Variants in ANKS6 observed in about 807,000 individuals in gnomAD.
ANKS6 encodes ankyrin repeat and sterile alpha motif domain containing 6.
A neutral mutation model predicts 77.9 loss-of-function variants in ANKS6; 47 were observed. That is an observed-to-expected ratio of 0.60 (90% CI 0.48 to 0.77). The LOEUF (loss-of-function observed/expected upper bound fraction) is 0.77, where lower values mean the gene tolerates loss of function less well. ANKS6 is among the 30% of genes least tolerant of loss of function. The pLI is 0.00. For missense variants in ANKS6, 1,150 were observed against 1,159.1 expected, an observed-to-expected ratio of 0.99 and a Z score of 0.11; for synonymous variants, 488 against 501.7, an observed-to-expected ratio of 0.97 and a Z score of 0.37.
chr9:98,790,177 C>A lies in ANKS6; in HGVS notation c.789G>T (p.Glu263Asp). The change falls in exon 2 of 15, where the codon GAG becomes GAT. Residue 263 changes from glutamate (E) to aspartate (D), a missense_variant. By Grantham distance (45) the Glu-to-Asp change is conservative. Coordinates refer to ENST00000353234, the MANE Select transcript of ANKS6 (RefSeq NM_173551.5). ...HLSVLEKTAFEVALDCKHRDL... is the reference protein window; with the variant it reads ...HLSVLEKTAFDVALDCKHRDL... Reference sequence around the variant, plus strand: ...CCCTGTGCTTGCAGTCCAGTGCAACCTCGAAGGCGGTCTTCTCCAGCACGC... The same window carrying A: ...CCCTGTGCTTGCAGTCCAGTGCAACATCGAAGGCGGTCTTCTCCAGCACGC... The A allele has an allele frequency of 6.2e-7, 1 of 1,601,540 alleles. No individual in the cohort carries two copies. Among genetic ancestry groups the A allele is most frequent in the Non-Finnish European group, 8.5e-7 (1 of 1,169,972 alleles).
chr9:98,773,278 C>G (rs1177242953), intron 9 of ANKS6, among the ~76,000 whole-genome samples: 1 of 152,148 alleles, frequency 6.6e-6, no homozygotes, highest in Non-Finnish European at 1.5e-5. Flanking sequence ...CTCCAATCAC[C>G]CAGCACATGG....
intron 14 of ANKS6, among the ~76,000 whole-genome samples, chr9:98,738,656 A>T (rs1003941500): frequency 6.6e-6 from 1 of 152,220 alleles, no homozygotes; most frequent in Non-Finnish European, 1.5e-5. Context: ...GGGAATATAA[A>T]CTAGTACCAC....
chr9:98,796,301 GC>G lies in ANKS6; in HGVS notation c.190del (p.Ala64GlnfsTer61), dbSNP rs1009311413. The G allele has an allele frequency of 3.2e-6, 4 of 1,260,960 alleles. No individual in the cohort carries two copies. The highest frequency in any genetic ancestry group is 3.0e-4 in the Middle Eastern group (1 of 3,312). 78.1% of individuals were successfully genotyped at this position (1,260,960 alleles called of 1,614,324 possible). ...ATCCACGGGCACCGGAGCCCCGACTGCCCCCGCCGCTGCGGCCCCGGGCCCG... is the reference window on the plus strand; with the variant it reads ...ATCCACGGGCACCGGAGCCCCGACTGCCCCGCCGCTGCGGCCCCGGGCCCG... ...VAGPGAAAAG[A>X]VGAPVPVDCS... On this transcript the variant is annotated frameshift_variant, in exon 1 of 15. Transcript: ENST00000353234. LOFTEE classifies it high-confidence loss of function.
chr9:98,740,673 G>A (rs1158458356), intron 14 of ANKS6, among the ~76,000 whole-genome samples: 1 of 152,238 alleles, frequency 6.6e-6, no homozygotes, highest in African/African-American at 2.4e-5. Context: ...TTAGGAGGGA[G>A]CTGTAGATGA....
chr9:98,782,882 A>G (rs1228079050), intron 4 of ANKS6, among the ~76,000 whole-genome samples: 1 of 152,140 alleles, frequency 6.6e-6, no homozygotes, highest in African/African-American at 2.4e-5. Flanking sequence ...CAGGAATTTG[A>G]GACCAGCCTG....
intron 1 of ANKS6, 158 bp downstream of exon 1, chr9:98,795,975 A>C: frequency 1.3e-6 from 1 of 747,644 alleles, no homozygotes; most frequent in Non-Finnish European, 1.8e-6. Flanking sequence ...TTCCACGTCT[A>C]TGCTCAAAGT....
chr9:98,784,816 T>G lies in ANKS6; in HGVS notation c.907+16A>C. 2 of 1,610,218 alleles carry G rather than the reference T, an allele frequency of 1.2e-6. No individual in the cohort carries two copies. The highest frequency in any genetic ancestry group is 1.7e-6 in the Non-Finnish European group (2 of 1,177,910). ...TATATTCTTAAATATCCAAAAAGAT[T>G]TTCTAAAGCGCTTACCCATTTTCAA... On this transcript the variant is annotated intron_variant, in intron 3 of 14. Coordinates refer to ENST00000353234, the MANE Select transcript of ANKS6 (RefSeq NM_173551.5).
chr9:98,786,694 T>C (rs943588557), intron 2 of ANKS6, among the ~76,000 whole-genome samples: 1 of 151,954 alleles, frequency 6.6e-6, no homozygotes, highest in African/African-American at 2.4e-5. Context: ...ACCTGACTTT[T>C]AAAAAAAATA....
intron 1 of ANKS6, among the ~76,000 whole-genome samples, chr9:98,792,257 T>C (rs1191418951): frequency 6.6e-6 from 1 of 152,076 alleles, no homozygotes; most frequent in Non-Finnish European, 1.5e-5. Context: ...TCTCACCCAC[T>C]CTGAGCAGCT....
At chr9:98,737,226 C>T (rs954821511) in intron 14 of ANKS6, among the ~76,000 whole-genome samples, 1 of 152,172 alleles carries the variant, frequency 6.6e-6, no homozygotes, top group Non-Finnish European at 1.5e-5. Context: ...GGCAGCAATA[C>T]TCAGAGGTTA....
intron 11 of ANKS6, among the ~76,000 whole-genome samples, chr9:98,760,830 G>A (rs1308907982): frequency 6.6e-6 from 1 of 152,118 alleles, no homozygotes; most frequent in Non-Finnish European, 1.5e-5. Flanking sequence ...TTTCCAGTTT[G>A]GGGTGATTAT....
intron 11 of ANKS6, among the ~76,000 whole-genome samples, chr9:98,764,134 GAC>G (rs1010253369): frequency 6.6e-6 from 1 of 152,098 alleles, no homozygotes; most frequent in Non-Finnish European, 1.5e-5. Flanking sequence ...GAGCCAACGT[GAC>G]AGTTTTTTCT....
At chr9:98,783,816 T>C in intron 4 of ANKS6, 137 bp downstream of exon 4, 2 of 739,358 alleles carry the variant, frequency 2.7e-6, no homozygotes, top group South Asian at 1.1e-4. Context: ...TTTTTTTTTT[T>C]TTCCATGCCT....
chr9:98,780,016 C>A (rs1417211599), intron 6 of ANKS6, among the ~76,000 whole-genome samples, 173 bp downstream of exon 6: 3 of 152,208 alleles, frequency 2.0e-5, no homozygotes, highest in African/African-American at 7.2e-5. Context: ...TGGTCACAGT[C>A]TCCCCAGTTT....
intron 4 of ANKS6, 117 bp downstream of exon 4, chr9:98,783,836 C>G: frequency 1.3e-6 from 1 of 788,340 alleles, no homozygotes. Flanking sequence ...TCAATGTCGT[C>G]ATAGTCCTGG....
chr9:98,736,406 G>T lies in ANKS6; in HGVS notation c.*113C>A. 1.4e-6 allele frequency: 2 copies of T among 1,442,062 alleles called. No individual in the cohort carries two copies. The allele number at this position is 1,442,062 out of a possible 1,614,324, so 89.3% of individuals were successfully genotyped here. On this transcript the variant is annotated 3_prime_UTR_variant, in exon 15 of 15. Coordinates refer to ENST00000353234, the MANE Select transcript of ANKS6 (RefSeq NM_173551.5). ...ACGTGAAGTGGGCATCCCGAGCAAA[G>T]GGAACAACATGACTAAGGCACAGCA...
rs1278146461 is a variant in ANKS6 at position 98,745,402 on chromosome 9, T to C, written c.2511+157A>G. Among the ~76,000 whole-genome samples, 3 of 152,142 alleles carry C rather than the reference T, an allele frequency of 2.0e-5. No homozygotes were observed. In the East Asian group the frequency reaches 5.8e-4, roughly 29 times the overall value. ...TTCAGCTCTATCTGGGGAGAAACCT[T>C]ACGGGGGAAGTCCGAAAAGGGAAAA... On this transcript the variant is annotated intron_variant, in intron 14 of 14. Transcript: ENST00000353234.
chr9:98,795,049 T>C lies in ANKS6; in HGVS notation c.359+1084A>G, dbSNP rs111787553. Among the ~76,000 whole-genome samples, 244 of 152,210 alleles carry C rather than the reference T, an allele frequency of 1.6e-3. 1 individual carries two copies. The highest frequency in any genetic ancestry group is 2.6e-3 in the Non-Finnish European group (180 of 68,004). ...GCGGAGGGACCAGAGAACAGGGAGA[T>C]ATCATGGCAGGCTTCACAGAAGCCA... On this transcript the variant is annotated intron_variant, in intron 1 of 14. Transcript: ENST00000353234.
In ANKS6 at chr9:98,735,222, G is replaced by C. The variant is rs1196678235; in HGVS notation, c.*1297C>G. Reference sequence around the variant, plus strand: ...TGAGCTTCATCTGAACTTTGAACCTGAGTCCAGAGCACAAGGTCTGCCCAC... The same window carrying C: ...TGAGCTTCATCTGAACTTTGAACCTCAGTCCAGAGCACAAGGTCTGCCCAC... On this transcript the variant is annotated 3_prime_UTR_variant, in exon 15 of 15. Coordinates refer to ENST00000353234, the MANE Select transcript of ANKS6 (RefSeq NM_173551.5). 1 of 986,274 alleles carries C rather than the reference G, an allele frequency of 1.0e-6. No homozygotes were observed. Among genetic ancestry groups the C allele is most frequent in the Non-Finnish European group, 1.2e-6 (1 of 830,652 alleles). 61.1% of individuals were successfully genotyped at this position (986,274 alleles called of 1,614,324 possible).
Sources: allele counts gnomAD v4.1 joint callset (sites outside exome capture counted in the v4.1 genomes callset), GRCh38; gene constraint gnomAD v4.1.1; transcripts MANE v1.5; gene names NCBI Gene and HGNC (gene_info 2026-07-23, HGNC 2026-07-21).